Variants in RPL27A observed in about 807,000 individuals in gnomAD.
RPL27A encodes ribosomal protein L27a.
For missense variants in RPL27A, 118 were observed against 189.4 expected, an observed-to-expected ratio of 0.62 and a Z score of 2.21; for synonymous variants, 69 against 68.3, an observed-to-expected ratio of 1.01 and a Z score of -0.05.
In RPL27A at chr11:8,685,977, G is replaced by A. The variant is rs906373018; in HGVS notation, c.*171G>A. The stretch of plus-strand genomic sequence containing the variant: ...GACTTCCCTCAAATATATGGTAAAC[G>A]TAAGACCAACACAGACGTTGGCCAG... On this transcript the variant is annotated 3_prime_UTR_variant, in exon 5 of 5. Coordinates refer to ENST00000314138, the MANE Select transcript of RPL27A (RefSeq NM_000990.5). 8 of 613,482 alleles carry A rather than the reference G, an allele frequency of 1.3e-5. No homozygotes were observed. Among genetic ancestry groups the A allele is most frequent in the Middle Eastern group, 3.0e-4 (1 of 3,328 alleles). The allele number at this position is 613,482 out of a possible 1,614,324, so 38.0% of individuals were successfully genotyped here.
At position 8,684,279 on chromosome 11, in the gene RPL27A, T is replaced by TAA. The variant is rs751134402; in HGVS notation, c.143+198_143+199insAA. 1.3e-5 allele frequency: 10 copies of TAA among 758,974 alleles called. No homozygotes were observed. In the South Asian group the frequency reaches 1.4e-4, roughly 10 times the overall value. The allele number at this position is 758,974 out of a possible 1,614,324, so 47.0% of individuals were successfully genotyped here. On this transcript the variant is annotated intron_variant, in intron 3 of 4. Transcript: ENST00000314138. ...CGGCTATTGCCTGAGTGTGCTAGAG[T>TAA]CCTCGAAGAGTAACTGCTGACCTTA...
chr11:8,684,540 C>A, intron 3 of RPL27A, 178 bp from the exon 4 acceptor site: 1 of 673,288 alleles, frequency 1.5e-6, no homozygotes, highest in Non-Finnish European at 2.6e-6. Flanking sequence ...GCCTTTTCCT[C>A]ATGATAGTCT....
chr11:8,688,527 A>G lies in RPL27A; in HGVS notation c.*2721A>G, dbSNP rs536839096. On this transcript the variant is annotated 3_prime_UTR_variant, in exon 5 of 5. Transcript: ENST00000314138. The stretch of plus-strand genomic sequence containing the variant: ...TTACTAAAATATTTTCATGACTGCC[A>G]AGCTTTGAATAGCCTGCTGTGTTCA... 1 of 152,346 alleles carries G rather than the reference A, an allele frequency of 6.6e-6. No homozygotes were observed. The highest frequency in any genetic ancestry group is 1.9e-4 in the East Asian group (1 of 5,192). The allele number at this position is 152,346 out of a possible 1,614,324, so 9.4% of individuals were successfully genotyped here.
chr11:8,686,816 G>A lies in RPL27A; in HGVS notation c.*1010G>A, dbSNP rs1304939370. 6.6e-6 allele frequency: 1 copy of A among 152,050 alleles called. No homozygotes were observed. Among genetic ancestry groups the A allele is most frequent in the Admixed American group, 6.6e-5 (1 of 15,262 alleles). The allele number at this position is 152,050 out of a possible 1,614,324, so 9.4% of individuals were successfully genotyped here. On this transcript the variant is annotated 3_prime_UTR_variant, in exon 5 of 5. Transcript: ENST00000314138. ...TACAAATAAGATCCTCATAGATCTC[G>A]GTAAATTATAATTTGCTACAGTTTT...
intron 1 of RPL27A, 90 bp from the exon 2 acceptor site, chr11:8,683,112 A>G: frequency 7.4e-7 from 1 of 1,353,184 alleles, no homozygotes; most frequent in Non-Finnish European, 1.1e-6. Context: ...TAGGTCTTTG[A>G]CCCACAGGCT....
intron 4 of RPL27A, chr11:8,685,441 C>A (rs377077158): frequency 1.5e-6 from 1 of 680,964 alleles, no homozygotes; most frequent in South Asian, 1.4e-5. Flanking sequence ...TATGCTTTGC[C>A]GAGACTAGAG....
rs772210217 is a variant in RPL27A at position 8,683,990 on chromosome 11, C to T, written c.68-16C>T. On this transcript the variant is annotated splice_polypyrimidine_tract_variant and intron_variant, in intron 2 of 4. Coordinates refer to ENST00000314138, the MANE Select transcript of RPL27A (RefSeq NM_000990.5). Reference sequence around the variant, plus strand: ...GAGCCATCACACCGGCCCCACGTAGCTTTGTATTCCTGCAGGCAAGCACCG... The same window carrying T: ...GAGCCATCACACCGGCCCCACGTAGTTTTGTATTCCTGCAGGCAAGCACCG... 1.9e-6 allele frequency: 3 copies of T among 1,608,688 alleles called. No homozygotes were observed. The East Asian group carries it at 6.7e-5, about 36-fold the overall frequency.
rs2133617116 is a variant in RPL27A at position 8,684,763 on chromosome 11, A to G, written c.189A>G (p.Leu63=). The G allele has an allele frequency of 6.2e-7, 1 of 1,614,138 alleles. No homozygotes were observed. Among genetic ancestry groups the G allele is most frequent in the Non-Finnish European group, 8.5e-7 (1 of 1,179,962 alleles). ...FGKVGMKHYH[L]KRNQSFCPTV... Reference sequence around the variant, plus strand: ...AAGTTGGTATGAAGCATTACCACTTAAAGAGGAACCAGAGCTTCTGCCCAA... The same window carrying G: ...AAGTTGGTATGAAGCATTACCACTTGAAGAGGAACCAGAGCTTCTGCCCAA... Residue 63 remains leucine, a synonymous_variant, in exon 4 of 5, where the codon TTA becomes TTG. Coordinates refer to ENST00000314138, the MANE Select transcript of RPL27A (RefSeq NM_000990.5).
intron 1 of RPL27A, 124 bp downstream of exon 1, chr11:8,682,940 C>G: frequency 7.6e-7 from 1 of 1,323,676 alleles, no homozygotes; most frequent in East Asian, 2.4e-5. Context: ...TGGCCGCCTG[C>G]GGGGCAGGGT....
intron 1 of RPL27A, 182 bp from the exon 2 acceptor site, chr11:8,683,020 C>A: frequency 1.2e-6 from 1 of 851,028 alleles, no homozygotes; most frequent in Non-Finnish European, 1.8e-6. Flanking sequence ...CTCTAGGACA[C>A]GCGGGCCCCT....
intron 2 of RPL27A, chr11:8,683,590 G>C (rs910456853): frequency 3.9e-6 from 2 of 512,956 alleles, no homozygotes; most frequent in African/African-American, 3.8e-5. Context: ...GGTAGGGTGG[G>C]AACAGCGTAA....
At chr11:8,683,056 C>T (rs1021669113) in intron 1 of RPL27A, 146 bp from the exon 2 acceptor site, 32 of 924,484 alleles carry the variant, frequency 3.5e-5, no homozygotes, top group Non-Finnish European at 2.0e-5. Flanking sequence ...GACCTCACGG[C>T]CCTGAGCGGA....
chr11:8,684,160 T>G (rs1468460164), intron 3 of RPL27A, 79 bp downstream of exon 3: 1 of 1,198,630 alleles, frequency 8.3e-7, no homozygotes, highest in African/African-American at 1.5e-5. Flanking sequence ...ACAAAAAGTT[T>G]AGAAGCAAGC....
At chr11:8,683,931 C>A (rs749552254) in intron 2 of RPL27A, 75 bp from the exon 3 acceptor site, 5 of 1,192,504 alleles carry the variant, frequency 4.2e-6, no homozygotes, top group African/African-American at 1.5e-5. Flanking sequence ...ATCTACCCCC[C>A]CTCGTCCTCC....
chr11:8,683,901 C>A (rs1277993925), intron 2 of RPL27A, 105 bp from the exon 3 acceptor site: 2 of 880,304 alleles, frequency 2.3e-6, no homozygotes, highest in Non-Finnish European at 3.8e-6. Flanking sequence ...AGGCTGGTCT[C>A]GAACTCCTGA....
chr11:8,685,028 T>C (rs959792650), intron 4 of RPL27A, 136 bp downstream of exon 4: 35 of 892,964 alleles, frequency 3.9e-5, no homozygotes, highest in Non-Finnish European at 5.8e-5. Context: ...AGAATTATCA[T>C]AGGTAGTTCC....
rs1215295333 is a variant in RPL27A at position 8,686,241 on chromosome 11, C to CTT, written c.*448_*449dup. ...AGGTTTTTCCACGTGGCCCCCTCAT[C>CTT]TTTTTTTTTTTTTTAAACGGAGTCT... On this transcript the variant is annotated 3_prime_UTR_variant, in exon 5 of 5. Coordinates refer to ENST00000314138, the MANE Select transcript of RPL27A (RefSeq NM_000990.5). 3 of 146,280 alleles carry CTT rather than the reference C, an allele frequency of 2.1e-5. No homozygotes were observed. Among genetic ancestry groups the CTT allele is most frequent in the Non-Finnish European group, 3.0e-5 (2 of 66,512 alleles). The allele number at this position is 146,280 out of a possible 1,614,324, so 9.1% of individuals were successfully genotyped here. A position where few individuals can be genotyped will look rare whatever the true frequency, so the allele number is the denominator to read the frequency against.
intron 4 of RPL27A, 138 bp downstream of exon 4, chr11:8,685,030 G>T: frequency 1.1e-6 from 1 of 876,210 alleles, no homozygotes; most frequent in South Asian, 1.5e-5. Context: ...AATTATCATA[G>T]GTAGTTCCCT....
chr11:8,684,396 T>G (rs1421856301), intron 3 of RPL27A: 1 of 718,482 alleles, frequency 1.4e-6, no homozygotes, highest in Non-Finnish European at 2.6e-6. Context: ...ATGATAAATT[T>G]TGGCTATTCA....
Sources: allele counts gnomAD v4.1 joint callset, GRCh38; gene constraint gnomAD v4.1.1; transcripts MANE v1.5; gene names NCBI Gene and HGNC (gene_info 2026-07-23, HGNC 2026-07-21).